Variants in NTM observed in about 807,000 individuals in gnomAD.
NTM encodes the protein neurotrimin, also known as IgLON family member 2.
Under a neutral mutation model 42.1 loss-of-function variants are expected in NTM, and 13 were observed. The ratio of observed to expected loss-of-function variants is 0.31; its 90% CI spans 0.20 to 0.49. NTM has a LOEUF of 0.49. Ranked by LOEUF, NTM falls within the 20% of genes least tolerant of loss-of-function variation. NTM has a pLI of 0.99. For missense variants in NTM, 373 were observed against 452.8 expected (o/e 0.82, Z 1.60); for synonymous variants, 187 against 179.2 (o/e 1.04, Z -0.35).
intron 1 of NTM, among the ~76,000 whole-genome samples, chr11:131,613,361 C>T (rs2061623461): frequency 6.6e-6 from 1 of 152,058 alleles, no homozygotes; most frequent in Non-Finnish European, 1.5e-5. Flanking sequence ...TCGTATTTTA[C>T]AGTTATTCCA....
intron 3 of NTM, among the ~76,000 whole-genome samples, chr11:132,159,847 A>AG (rs2073945209): frequency 6.6e-6 from 1 of 152,212 alleles, no homozygotes; most frequent in Non-Finnish European, 1.5e-5. Flanking sequence ...AGGCAGCTGA[A>AG]GGTCAAATTG....
intron 1 of NTM, chr11:131,910,131 G>C (rs1461023831): frequency 6.6e-6 from 1 of 152,278 alleles, no homozygotes; most frequent in African/African-American, 2.4e-5. Flanking sequence ...GTTTTGAGCA[G>C]CTTTGTGGGG....
intron 1 of NTM, among the ~76,000 whole-genome samples, chr11:131,548,103 GATA>G (rs2054181071): frequency 6.6e-6 from 1 of 152,184 alleles, no homozygotes; most frequent in African/African-American, 2.4e-5. Context: ...GTGAAATAGG[GATA>G]ATAATACTTC....
intron 2 of NTM, among the ~76,000 whole-genome samples, chr11:132,081,022 A>T (rs192702274): frequency 4.9e-4 from 75 of 152,348 alleles, no homozygotes; most frequent in African/African-American, 1.7e-3. Flanking sequence ...TTTCATGTAA[A>T]GGAAGTAAGA....
chr11:131,504,564 C>T (rs1377639347), intron 1 of NTM, among the ~76,000 whole-genome samples: 1 of 152,148 alleles, frequency 6.6e-6, no homozygotes, highest in Non-Finnish European at 1.5e-5. Flanking sequence ...TCACACAGCG[C>T]TGGGGTTCTC....
intron 2 of NTM, among the ~76,000 whole-genome samples, chr11:132,017,695 A>G (rs900645353): frequency 5.3e-5 from 8 of 151,976 alleles, no homozygotes; most frequent in Non-Finnish European, 1.0e-4. Context: ...CAGCCTGCTG[A>G]GATTTTAATA....
chr11:131,713,078 C>G (rs2077342509), intron 1 of NTM, among the ~76,000 whole-genome samples: 1 of 152,060 alleles, frequency 6.6e-6, no homozygotes, highest in South Asian at 2.1e-4. Context: ...CTGCTGCTGC[C>G]AGGTGTCTCC....
intron 2 of NTM, among the ~76,000 whole-genome samples, chr11:132,118,804 A>G (rs1048746462): frequency 6.6e-6 from 1 of 152,168 alleles, no homozygotes; most frequent in Non-Finnish European, 1.5e-5. Context: ...GAAAATTAAC[A>G]TGTAATTGCT....
At chr11:132,090,496 T>G (rs2060253737) in intron 2 of NTM, among the ~76,000 whole-genome samples, 1 of 152,182 alleles carries the variant, frequency 6.6e-6, no homozygotes, top group Non-Finnish European at 1.5e-5. Context: ...GTGCCATCTA[T>G]GGTTACCCTC....
At chr11:132,173,373 G>C (rs79923794) in intron 3 of NTM, among the ~76,000 whole-genome samples, 1,993 of 152,228 alleles carry the variant, frequency 0.013, 41 homozygotes, top group African/African-American at 0.046. Flanking sequence ...GGGGTCTCCG[G>C]AATTCTGTTC....
At chr11:131,921,628 A>G (rs1036403528) in intron 2 of NTM, among the ~76,000 whole-genome samples, 2 of 152,144 alleles carry the variant, frequency 1.3e-5, no homozygotes, top group African/African-American at 4.8e-5. Flanking sequence ...AATAGTAACA[A>G]TCTTGCAAAG....
chr11:132,139,475 G>T (rs987212026), intron 2 of NTM, among the ~76,000 whole-genome samples: 1 of 152,152 alleles, frequency 6.6e-6, no homozygotes, highest in Admixed American at 6.5e-5. Flanking sequence ...GAAAAGTCAC[G>T]GCCCACCAAA....
chr11:131,702,268 A>G (rs935747077), intron 1 of NTM, among the ~76,000 whole-genome samples: 1 of 152,144 alleles, frequency 6.6e-6, no homozygotes, highest in South Asian at 2.1e-4. Context: ...CTCTAAAAAG[A>G]AAAAAAAGTA....
chr11:131,920,405 T>A (rs1309265843), intron 2 of NTM, among the ~76,000 whole-genome samples: 1 of 152,206 alleles, frequency 6.6e-6, no homozygotes, highest in African/African-American at 2.4e-5. Flanking sequence ...GGAATTTTAC[T>A]TTTGGTCAGG....
In NTM at chr11:131,785,816, A is replaced by T. The variant is rs554453337; in HGVS notation, c.83-125748A>T. Among the ~76,000 whole-genome samples, 3 of 152,376 alleles carry T rather than the reference A, an allele frequency of 2.0e-5. No homozygotes were observed. In the South Asian group the frequency reaches 6.2e-4, roughly 32 times the overall value. ...ACTAGGAGGGGACAGAATGTGCTTT[A>T]TAAAGACTGATATGCCTATTAAACA... On this transcript the variant is annotated intron_variant, in intron 1 of 8. Transcript: ENST00000683400.
intron 3 of NTM, 83 bp from the exon 4 acceptor site, chr11:132,211,939 G>T (rs1322037797): frequency 1.4e-6 from 2 of 1,389,748 alleles, no homozygotes; most frequent in African/African-American, 1.5e-5. Flanking sequence ...TTACTCTCTG[G>T]ACTGTTCTGC....
At chr11:131,612,141 C>T (rs1298203943) in intron 1 of NTM, among the ~76,000 whole-genome samples, 2 of 152,216 alleles carry the variant, frequency 1.3e-5, no homozygotes, top group Non-Finnish European at 2.9e-5. Flanking sequence ...CCTCAGTCAT[C>T]ACCAGCACTG....
At chr11:131,706,247 A>G (rs80155204) in intron 1 of NTM, among the ~76,000 whole-genome samples, 1,919 of 152,160 alleles carry the variant, frequency 0.013, 34 homozygotes, top group African/African-American at 0.042. Flanking sequence ...AAAAAAGGCC[A>G]TTATAAAATG....
chr11:132,264,675 A>T (rs1037791959), intron 4 of NTM, among the ~76,000 whole-genome samples: 2 of 152,244 alleles, frequency 1.3e-5, no homozygotes, highest in African/African-American at 4.8e-5. Flanking sequence ...TAAAATAAGA[A>T]GAGTTCCTCC....
Sources: allele counts gnomAD v4.1 joint callset (sites outside exome capture counted in the v4.1 genomes callset), GRCh38; gene constraint gnomAD v4.1.1; transcripts MANE v1.5; gene names NCBI Gene and HGNC (gene_info 2026-07-23, HGNC 2026-07-21).